PRDM15: variants seen among roughly 807,000 people sequenced by gnomAD.
The protein encoded by PRDM15 is PR/SET domain 15, also known as PR domain zinc finger protein 15.
PRDM15 carries 64 observed loss-of-function variants against 128.6 expected under a neutral mutation model. That is an observed-to-expected ratio of 0.50 (90% CI 0.41 to 0.61). PRDM15 has a LOEUF of 0.61. Among genes scored for constraint, PRDM15 ranks in the 20% least tolerant of loss-of-function variants. PRDM15 has a pLI of 0.00. For missense variants in PRDM15, 1,242 were observed against 1,569.1 expected, an observed-to-expected ratio of 0.79 and a Z score of 3.52; for synonymous variants, 615 against 621.8, an observed-to-expected ratio of 0.99 and a Z score of 0.16.
intron 6 of PRDM15, among the ~76,000 whole-genome samples, chr21:41,842,183 A>G (rs2063092867): frequency 6.6e-6 from 1 of 152,242 alleles, no homozygotes; most frequent in African/African-American, 2.4e-5. Flanking sequence ...GTCTGGCAAG[A>G]AAAAATAGAG....
chr21:41,807,491 G>A (rs983443143), intron 21 of PRDM15, among the ~76,000 whole-genome samples: 10 of 152,138 alleles, frequency 6.6e-5, no homozygotes, highest in East Asian at 1.9e-4. Flanking sequence ...GCCTCACTGC[G>A]GTACACACAC....
chr21:41,858,393 T>C (rs2063705320), intron 3 of PRDM15, among the ~76,000 whole-genome samples: 1 of 150,782 alleles, frequency 6.6e-6, no homozygotes, highest in South Asian at 2.1e-4. Flanking sequence ...CACAGGCCCC[T>C]CCGACAGAGG....
intron 21 of PRDM15, among the ~76,000 whole-genome samples, chr21:41,808,595 TTAC>T (rs1568889782): frequency 6.6e-6 from 1 of 152,234 alleles, no homozygotes; most frequent in Non-Finnish European, 1.5e-5. Context: ...AGACAAGAAA[TTAC>T]CCATCACTTC....
At chr21:41,830,127 A>T (rs982883396) in intron 11 of PRDM15, among the ~76,000 whole-genome samples, 76 of 150,802 alleles carry the variant, frequency 5.0e-4, no homozygotes, top group Admixed American at 9.3e-4. Context: ...ACACACAAAA[A>T]TACACATTCA....
At chr21:41,855,829 G>A (rs192490786) in intron 4 of PRDM15, among the ~76,000 whole-genome samples, 2 of 152,184 alleles carry the variant, frequency 1.3e-5, no homozygotes, top group African/African-American at 4.8e-5. Flanking sequence ...GGTAGCCAAC[G>A]GCCTTTCTGA....
intron 3 of PRDM15, among the ~76,000 whole-genome samples, chr21:41,858,056 A>T (rs1365156248): frequency 6.6e-6 from 1 of 152,196 alleles, no homozygotes; most frequent in Non-Finnish European, 1.5e-5. Context: ...GCGATGGAGG[A>T]GGGACCACAG....
At chr21:41,861,801 T>C (rs2063823015) in intron 1 of PRDM15, 1 of 1,596,168 alleles carries the variant, frequency 6.3e-7, no homozygotes, top group East Asian at 2.2e-5. Context: ...GTGAGTTAGC[T>C]ACAAGGAAGT....
At position 41,828,356 on chromosome 21, in the gene PRDM15, C is replaced by T; in HGVS notation, c.1367-23G>A. On this transcript the variant is annotated intron_variant, in intron 11 of 23. Transcript: ENST00000398548. This position sits in a 1 kb window ranked among gnomAD's most constrained non-coding sequence, Gnocchi z 5.7. ...CATCTGTCCAGAGAGCAAACAAACA[C>T]ACAACGATTTTGAGGTAAATAACAT... 1.2e-6 allele frequency: 2 copies of T among 1,612,766 alleles called. No individual in the cohort carries two copies. Among genetic ancestry groups the T allele is most frequent in the East Asian group, 2.2e-5 (1 of 44,852 alleles).
intron 6 of PRDM15, among the ~76,000 whole-genome samples, chr21:41,840,673 C>T (rs2063047909): frequency 6.6e-6 from 1 of 151,882 alleles, no homozygotes; most frequent in Admixed American, 6.6e-5. Context: ...ATCAGGGCGT[C>T]AGCAGACACA....
Position 41,800,718 on chromosome 21 carries a change from C to A in PRDM15, c.*522G>T, listed in dbSNP as rs9981428. The A allele has an allele frequency of 0.055, 8,487 of 153,010 alleles. 329 individuals are homozygous for A. The highest frequency in any genetic ancestry group is 0.11 in the Middle Eastern group (31 of 294). The allele number at this position is 153,010 out of a possible 1,614,324, so 9.5% of individuals were successfully genotyped here. ...CTCCACTCCTAGTTCAAAGAGAATA[C>A]ACGTTACTTTAACTTCTATGTGCTC... is the stretch of plus-strand genomic sequence containing the variant. On this transcript the variant is annotated 3_prime_UTR_variant, in exon 24 of 24. Coordinates refer to ENST00000398548, the MANE Select transcript of PRDM15 (RefSeq NM_001040424.3).
At chr21:41,844,252 C>G (rs2063161148) in intron 6 of PRDM15, among the ~76,000 whole-genome samples, 1 of 152,060 alleles carries the variant, frequency 6.6e-6, no homozygotes. Flanking sequence ...ACCCGTCTGT[C>G]ATGTGGCTCT....
At chr21:41,843,969 AAAG>A (rs1177749722) in intron 6 of PRDM15, among the ~76,000 whole-genome samples, 14 of 151,414 alleles carry the variant, frequency 9.2e-5, no homozygotes, top group African/African-American at 1.5e-4. Flanking sequence ...AAAAAAAAAA[AAAG>A]AAAGAAAGAA....
Position 41,847,146 on chromosome 21 carries a change from C to G in PRDM15, c.584G>C (p.Ser195Thr), listed in dbSNP as rs1160140591. The G allele has an allele frequency of 1.0e-5, 16 of 1,555,912 alleles. No individual in the cohort carries two copies. The highest frequency in any genetic ancestry group is 1.2e-5 in the Non-Finnish European group (14 of 1,148,966). ...AGAACACACTTTACACGCCCACTGG[C>G]TGGGCTCCGACTCCACGGGGGCGCT... is the stretch of plus-strand genomic sequence containing the variant. ...ENSAPVESEPSQWACKVCSAT... is the reference protein window; with the variant it reads ...ENSAPVESEPTQWACKVCSAT... The change falls in exon 6 of 24, where the codon AGC becomes ACC. Residue 195 changes from serine (S) to threonine (T), a missense_variant. Transcript: ENST00000398548.
In PRDM15 at chr21:41,838,041, G is replaced by A. The variant is rs753793845; in HGVS notation, c.894C>T (p.Thr298=). The change falls in exon 8 of 24, where the codon ACC becomes ACT. Residue 298 remains threonine (T), a synonymous_variant. Coordinates refer to ENST00000398548, the MANE Select transcript of PRDM15 (RefSeq NM_001040424.3). The part of the protein sequence containing the change: ...EPTEQVAEII[T]EVPPDEPVSA... Reference sequence around the variant, plus strand: ...TCACAGGCTCATCCGGAGGGACCTCGGTAATGATCTCTGCCACTTGCTCTG... The same window carrying A: ...TCACAGGCTCATCCGGAGGGACCTCAGTAATGATCTCTGCCACTTGCTCTG... 1.5e-5 allele frequency: 25 copies of A among 1,613,994 alleles called. No homozygotes were observed. In the East Asian group the frequency reaches 3.6e-4, roughly 23 times the overall value.
chr21:41,834,341 T>C (rs986933314), intron 11 of PRDM15, among the ~76,000 whole-genome samples: 4 of 152,146 alleles, frequency 2.6e-5, no homozygotes, highest in African/African-American at 9.7e-5. Context: ...GCCTCTCACA[T>C]GGCCCATGTG....
chr21:41,859,313 T>C lies in PRDM15; in HGVS notation c.131+279A>G. 8.1e-7 allele frequency: 1 copy of C among 1,239,416 alleles called. No individual in the cohort carries two copies. Among genetic ancestry groups the C allele is most frequent in the Non-Finnish European group, 1.2e-6 (1 of 864,236 alleles). 76.8% of individuals were successfully genotyped at this position (1,239,416 alleles called of 1,614,324 possible). ...GTCAACCACCTTGGCAAGTCCACTC[T>C]TCTGCAGCCTCCACACACTGTGTCG... On this transcript the variant is annotated intron_variant, in intron 3 of 23. Transcript: ENST00000398548. This position sits in a 1 kb window ranked among gnomAD's most constrained non-coding sequence, Gnocchi z 5.3.
intron 1 of PRDM15, among the ~76,000 whole-genome samples, chr21:41,872,429 A>G (rs1338450349): frequency 1.3e-5 from 2 of 152,238 alleles, no homozygotes; most frequent in Non-Finnish European, 2.9e-5. Context: ...CTGCCCTAAC[A>G]AGTTCATTAT....
rs771670127 is a variant in PRDM15 at position 41,826,015 on chromosome 21, C to T, written c.1574G>A (p.Gly525Glu). The part of the protein sequence containing the change: ...RVKREDLEAG[G>E]ENLVRYKKEP... ...CTTCTTGTAACGGACCAGGTTCTCCCCACCGGCCTCCAGGTCCTCTCGCTT... is the reference window on the plus strand; with the variant it reads ...CTTCTTGTAACGGACCAGGTTCTCCTCACCGGCCTCCAGGTCCTCTCGCTT... Residue 525 changes from glycine to glutamate, a missense_variant, in exon 13 of 24, where the codon GGG (glycine) becomes GAG (glutamate). By Grantham distance (98) the Gly-to-Glu change is moderately conservative (BLOSUM62 -2). Coordinates refer to ENST00000398548, the MANE Select transcript of PRDM15 (RefSeq NM_001040424.3). 6.2e-7 allele frequency: 1 copy of T among 1,614,162 alleles called. No individual in the cohort carries two copies. Among genetic ancestry groups the T allele is most frequent in the South Asian group, 1.1e-5 (1 of 91,080 alleles).
chr21:41,823,069 TAGA>T, intron 14 of PRDM15: 1 of 486,672 alleles, frequency 2.1e-6, no homozygotes, highest in South Asian at 2.1e-5. Context: ...TGGGCCCTTA[TAGA>T]AGAGATCCCT....
Sources: gnomAD v4.1 joint callset for allele counts (sites outside exome capture counted in the v4.1 genomes callset) on GRCh38, gnomAD v4.1.1 for gene constraint, Gnocchi (gnomAD v3.1) non-coding constraint, MANE v1.5 for transcripts, NCBI Gene and HGNC (gene_info 2026-07-23, HGNC 2026-07-21) for gene names.